Variants in SYNE2 observed in about 807,000 individuals in gnomAD.
SYNE2 encodes spectrin repeat containing nuclear envelope protein 2, also known as nesprin-2.
A neutral mutation model predicts 856.3 loss-of-function variants in SYNE2; 431 were observed. The observed-to-expected ratio is 0.50, with a 90% CI of 0.47 to 0.55. The LOEUF (loss-of-function observed/expected upper bound fraction) is 0.55. Among genes scored for constraint, SYNE2 ranks in the 20% least tolerant of loss-of-function variants. The pLI is 0.00. For missense variants in SYNE2, 8,129 were observed against 8,023.2 expected, an observed-to-expected ratio of 1.01 and a Z score of -0.50; for synonymous variants, 2,923 against 2,872.3, an observed-to-expected ratio of 1.02 and a Z score of -0.56.
At chr14:64,135,346 T>C (rs981642716) in intron 78 of SYNE2, among the ~76,000 whole-genome samples, 3 of 152,112 alleles carry the variant, frequency 2.0e-5, no homozygotes, top group African/African-American at 7.2e-5. Context: ...TCCATGGAGG[T>C]ATTTTAACCT....
intron 85 of SYNE2, 39 bp downstream of exon 85, chr14:64,152,755 A>T (rs1475597116): frequency 1.2e-6 from 2 of 1,612,144 alleles, no homozygotes; most frequent in South Asian, 2.2e-5. Flanking sequence ...TTCTCTTCAC[A>T]TATTCTTTTA....
chr14:63,962,934 T>C (rs1179117060), intron 9 of SYNE2, among the ~76,000 whole-genome samples: 1 of 152,230 alleles, frequency 6.6e-6, no homozygotes, highest in Non-Finnish European at 1.5e-5. Flanking sequence ...TTCATAAAAA[T>C]TGCTGAGCTG....
At chr14:64,191,152 ATTAT>A in intron 99 of SYNE2, 1 of 395,306 alleles carries the variant, frequency 2.5e-6, no homozygotes, top group Non-Finnish European at 4.5e-6. Flanking sequence ...ATTTAAATTT[ATTAT>A]TTAAATTAAA....
Position 64,223,380 on chromosome 14 carries a change from G to A in SYNE2, c.20382G>A (p.Gln6794=), listed in dbSNP as rs1214727256. The A allele has an allele frequency of 6.2e-7, 1 of 1,613,702 alleles. No individual in the cohort carries two copies. The highest frequency in any genetic ancestry group is 8.5e-7 in the Non-Finnish European group (1 of 1,179,836). ...SQDLMALQGT[Q]NPASPLPSFD... is the part of the protein sequence containing the mutation. ...ATTTAATGGCCTTGCAGGGAACCCAGGTGAGTCTACTTGTAGCTTTTAACT... is the reference window on the plus strand; with the variant it reads ...ATTTAATGGCCTTGCAGGGAACCCAAGTGAGTCTACTTGTAGCTTTTAACT... Residue 6794 remains glutamine (Q), a splice_region_variant and synonymous_variant, in exon 113 of 116, where the codon CAG becomes CAA. Coordinates refer to ENST00000555002, the MANE Select transcript of SYNE2 (RefSeq NM_182914.3).
At chr14:64,179,858 C>G (rs2098450257) in intron 96 of SYNE2, among the ~76,000 whole-genome samples, 1 of 152,070 alleles carries the variant, frequency 6.6e-6, no homozygotes, top group Non-Finnish European at 1.5e-5. Flanking sequence ...CTTGGTATTG[C>G]TGGCTGAACA....
chr14:63,998,213 C>T lies in SYNE2; in HGVS notation c.3244-6C>T, dbSNP rs865831007. ...ATTTCGTTTACTATTTTGCATATTC[C>T]CTTAGGCAATGGAACCCACTATGAA... On this transcript the variant is annotated splice_polypyrimidine_tract_variant and splice_region_variant and intron_variant, in intron 25 of 115. Coordinates refer to ENST00000555002, the MANE Select transcript of SYNE2 (RefSeq NM_182914.3). The T allele has an allele frequency of 1.2e-6, 2 of 1,600,744 alleles. No individual in the cohort carries two copies. Among genetic ancestry groups the T allele is most frequent in the Non-Finnish European group, 8.6e-7 (1 of 1,167,838 alleles).
chr14:63,989,279 A>G (rs1397302778), intron 19 of SYNE2, among the ~76,000 whole-genome samples: 5 of 152,184 alleles, frequency 3.3e-5, no homozygotes, highest in Non-Finnish European at 7.3e-5. Context: ...AGTCATGTCT[A>G]TCCCTACTCT....
In SYNE2 at chr14:63,963,978, A is replaced by T; in HGVS notation, c.968A>T (p.Asp323Val). ...LQKLLKDSENDTYFKKYNSLL... is the reference protein window; with the variant it reads ...LQKLLKDSENVTYFKKYNSLL... ...AAGTTGCTAAAGGATTCAGAGAATG[A>T]TACCTACTTTAAAAAGTATAATGTA... Residue 323 changes from aspartate (D) to valine (V), a missense_variant, in exon 10 of 116, where the codon GAT becomes GTT. By Grantham distance (152) the Asp-to-Val change is radical (BLOSUM62 -3). Around this residue, in one of 3 missense-constraint regions of SYNE2, gnomAD observed 2,422 missense variants for 2,357.4 expected, o/e 1.03. Coordinates refer to ENST00000555002, the MANE Select transcript of SYNE2 (RefSeq NM_182914.3). 6.2e-7 allele frequency: 1 copy of T among 1,604,060 alleles called. No homozygotes were observed. Among genetic ancestry groups the T allele is most frequent in the Non-Finnish European group, 8.5e-7 (1 of 1,171,274 alleles).
chr14:64,129,387 C>T (rs1477041281), intron 74 of SYNE2, among the ~76,000 whole-genome samples: 1 of 152,090 alleles, frequency 6.6e-6, no homozygotes, highest in Non-Finnish European at 1.5e-5. Context: ...GTATATAGCC[C>T]AAAAGTCCAT....
chr14:63,895,792 A>C (rs1214509149), intron 1 of SYNE2, among the ~76,000 whole-genome samples: 1 of 151,270 alleles, frequency 6.6e-6, no homozygotes, highest in African/African-American at 2.4e-5. Flanking sequence ...AAAAAAAAAA[A>C]AAACCTAGAA....
chr14:64,137,643 G>T, intron 78 of SYNE2, 144 bp from the exon 79 acceptor site: 1 of 843,862 alleles, frequency 1.2e-6, no homozygotes, highest in South Asian at 1.6e-5. Flanking sequence ...CATGCATCCA[G>T]TCAGACTATA....
chr14:64,123,678 C>G (rs1010745258), intron 70 of SYNE2, among the ~76,000 whole-genome samples: 5 of 152,198 alleles, frequency 3.3e-5, no homozygotes, highest in Admixed American at 6.5e-5. Flanking sequence ...GAATCATTCA[C>G]CCTTCTGAAA....
intron 54 of SYNE2, among the ~76,000 whole-genome samples, chr14:64,077,356 A>G (rs998062742): frequency 1.4e-5 from 2 of 147,112 alleles, no homozygotes; most frequent in Non-Finnish European, 1.5e-5. Flanking sequence ...ACAGCCAGCC[A>G]TGAAAAGCTA....
chr14:64,211,201 A>G (rs1055769231), intron 103 of SYNE2, among the ~76,000 whole-genome samples: 2 of 151,880 alleles, frequency 1.3e-5, no homozygotes, highest in Non-Finnish European at 2.9e-5. Context: ...CTGGTCTCAA[A>G]CTCCTGGCCT....
intron 62 of SYNE2, 143 bp downstream of exon 62, chr14:64,098,289 G>A (rs2097693783): frequency 1.1e-6 from 1 of 891,026 alleles, no homozygotes; most frequent in Admixed American, 2.0e-5. Flanking sequence ...TCAACCTGAG[G>A]TTGTTTACTA....
intron 50 of SYNE2, among the ~76,000 whole-genome samples, chr14:64,064,932 C>T (rs2097347016): frequency 6.7e-6 from 1 of 149,798 alleles, no homozygotes; most frequent in African/African-American, 2.5e-5. Flanking sequence ...TTTCAGCTCA[C>T]TGCAACCCTG....
intron 11 of SYNE2, 84 bp downstream of exon 11, chr14:63,967,930 A>G: frequency 2.1e-6 from 3 of 1,397,710 alleles, no homozygotes; most frequent in East Asian, 4.6e-5. Flanking sequence ...TGGGAGACCA[A>G]GGCGGGTGGA....
chr14:64,154,754 C>T (rs2153706809), intron 85 of SYNE2, among the ~76,000 whole-genome samples: 1 of 142,982 alleles, frequency 7.0e-6, no homozygotes, highest in African/African-American at 2.6e-5. Context: ...GACTATGCCA[C>T]TGCACTCCAG....
At chr14:64,127,153 T>C (rs1251112027) in intron 73 of SYNE2, among the ~76,000 whole-genome samples, 1 of 151,908 alleles carries the variant, frequency 6.6e-6, no homozygotes, top group Non-Finnish European at 1.5e-5. Flanking sequence ...CCCAGCTACC[T>C]GGGAGGCTGA....
Sources: allele counts gnomAD v4.1 joint callset (sites outside exome capture counted in the v4.1 genomes callset), GRCh38; gene constraint gnomAD v4.1.1; regional missense constraint gnomAD v4.1.1; transcripts MANE v1.5; gene names NCBI Gene and HGNC (gene_info 2026-07-23, HGNC 2026-07-21).